The following ADAMTSL1 variants were observed in gnomAD, a reference collection of about 807,000 sequenced individuals.
ADAMTSL1 encodes ADAMTS-like protein 1.
In ADAMTSL1, 126 loss-of-function variants were observed where a neutral mutation model predicts 201.8. The ratio of observed to expected loss-of-function variants is 0.62; its 90% CI spans 0.54 to 0.72. ADAMTSL1 has a LOEUF of 0.72. Ranked by LOEUF, ADAMTSL1 falls within the 30% of genes least tolerant of loss-of-function variation. The pLI, the probability that ADAMTSL1 is intolerant of heterozygous loss-of-function variation, is 0.00. For missense variants in ADAMTSL1, 2,679 were observed against 2,277.8 expected (o/e 1.18, Z -3.59); for synonymous variants, 1,121 against 903.4 (o/e 1.24, Z -4.32).
intron 14 of ADAMTSL1, among the ~76,000 whole-genome samples, chr9:18,712,034 G>A (rs1162035437): frequency 3.9e-5 from 6 of 152,120 alleles, no homozygotes; most frequent in African/African-American, 1.4e-4. Context: ...GCAGCTGAGG[G>A]TCCTGTCTGT....
At chr9:18,240,291 C>G (rs1831013117) in intron 2 of ADAMTSL1, among the ~76,000 whole-genome samples, 1 of 151,820 alleles carries the variant, frequency 6.6e-6, no homozygotes, top group Non-Finnish European at 1.5e-5. Flanking sequence ...TATCAGAACT[C>G]TTGGGTGACT....
At chr9:18,647,374 T>C (rs905458451) in intron 7 of ADAMTSL1, among the ~76,000 whole-genome samples, 31 of 151,374 alleles carry the variant, frequency 2.0e-4, no homozygotes, top group Non-Finnish European at 3.5e-4. Flanking sequence ...GGGTTTTTTT[T>C]CCCCCATTTC....
At chr9:18,641,646 A>G (rs1210028776) in intron 7 of ADAMTSL1, among the ~76,000 whole-genome samples, 2 of 152,084 alleles carry the variant, frequency 1.3e-5, no homozygotes, top group Non-Finnish European at 2.9e-5. Flanking sequence ...TAATTCTTAA[A>G]TTAGTTTGCT....
intron 1 of ADAMTSL1, among the ~76,000 whole-genome samples, chr9:18,037,060 A>G (rs1821230786): frequency 6.6e-6 from 1 of 152,160 alleles, no homozygotes. Flanking sequence ...TGTAATGCTA[A>G]TTCATGCTGA....
intron 4 of ADAMTSL1, among the ~76,000 whole-genome samples, chr9:18,613,592 C>T (rs1754724894): frequency 6.6e-6 from 1 of 152,086 alleles, no homozygotes; most frequent in Non-Finnish European, 1.5e-5. Context: ...GGCCATTATC[C>T]TTAACAAACT....
At chr9:17,949,020 T>C (rs1364483318) in intron 1 of ADAMTSL1, among the ~76,000 whole-genome samples, 1 of 152,212 alleles carries the variant, frequency 6.6e-6, no homozygotes, top group East Asian at 1.9e-4. Flanking sequence ...TCTGAAATTT[T>C]ATCCCACTGT....
intron 8 of ADAMTSL1, 35 bp downstream of exon 8, chr9:18,657,785 T>G: frequency 1.3e-6 from 2 of 1,548,936 alleles, no homozygotes; most frequent in Non-Finnish European, 1.8e-6. Context: ...AACTGTTGGC[T>G]TCTGTGAGGA....
At chr9:18,860,319 G>A (rs757390765) in intron 23 of ADAMTSL1, among the ~76,000 whole-genome samples, 9 of 152,080 alleles carry the variant, frequency 5.9e-5, no homozygotes, top group Admixed American at 1.3e-4. Context: ...TCATACCCTC[G>A]ACCAGGGGTT....
intron 21 of ADAMTSL1, among the ~76,000 whole-genome samples, chr9:18,824,973 G>A (rs1824451630): frequency 6.6e-6 from 1 of 152,122 alleles, no homozygotes; most frequent in African/African-American, 2.4e-5. Flanking sequence ...TGGGATTACA[G>A]GCATGAGCCA....
At chr9:18,705,954 GT>G (rs1384317653) in intron 13 of ADAMTSL1, among the ~76,000 whole-genome samples, 1 of 152,204 alleles carries the variant, frequency 6.6e-6, no homozygotes, top group Non-Finnish European at 1.5e-5. Context: ...GACCTCATGG[GT>G]TCTTGGCTTC....
chr9:18,808,146 TAA>T (rs938039693), intron 20 of ADAMTSL1, among the ~76,000 whole-genome samples: 1 of 152,138 alleles, frequency 6.6e-6, no homozygotes, highest in African/African-American at 2.4e-5. Flanking sequence ...AAAGAAAAAC[TAA>T]AAGAGTACAA....
At chr9:18,773,860 G>A (rs796263015) in intron 17 of ADAMTSL1, among the ~76,000 whole-genome samples, 89 of 152,206 alleles carry the variant, frequency 5.8e-4, no homozygotes, top group African/African-American at 2.1e-3. Context: ...CTGATCCTTG[G>A]ATTTAGCGCT....
rs767077050 is a variant in ADAMTSL1 at position 18,770,725 on chromosome 9, C to T, written c.2341C>T (p.Gln781Ter). ...FCSASKPACQ[Q>*]ACKKDDCPSE... ...TTCAGCTTCAAAACCTGCCTGCCAG[C>T]AAGCATGCAAGAAAGATGACTGTCC... is the stretch of plus-strand genomic sequence containing the variant. Residue 781 changes from glutamine to a stop codon, truncating the protein, a stop_gained, in exon 17 of 29, where the codon CAA (glutamine) becomes TAA (stop). Transcript: ENST00000380548. LOFTEE classifies it high-confidence loss of function. 6.2e-7 allele frequency: 1 copy of T among 1,613,866 alleles called. No homozygotes were observed. Among genetic ancestry groups the T allele is most frequent in the Non-Finnish European group, 8.5e-7 (1 of 1,179,862 alleles).
At chr9:18,115,999 A>C (rs1348284881) in intron 1 of ADAMTSL1, among the ~76,000 whole-genome samples, 1 of 152,074 alleles carries the variant, frequency 6.6e-6, no homozygotes, top group Admixed American at 6.5e-5. Context: ...GCCTTATAAA[A>C]CTGTTCTCTG....
intron 1 of ADAMTSL1, among the ~76,000 whole-genome samples, chr9:18,478,550 G>A (rs1191398341): frequency 6.6e-6 from 1 of 151,990 alleles, no homozygotes; most frequent in Non-Finnish European, 1.5e-5. Flanking sequence ...TGTTTCTTTG[G>A]TCAAGTGACA....
At chr9:18,632,541 T>G (rs1826845660) in intron 5 of ADAMTSL1, among the ~76,000 whole-genome samples, 1 of 152,096 alleles carries the variant, frequency 6.6e-6, no homozygotes, top group Non-Finnish European at 1.5e-5. Context: ...CTGTGGGGTG[T>G]AGTATTTTGT....
At chr9:18,309,050 T>C (rs1405674229) in intron 2 of ADAMTSL1, among the ~76,000 whole-genome samples, 1 of 152,198 alleles carries the variant, frequency 6.6e-6, no homozygotes, top group Non-Finnish European at 1.5e-5. Flanking sequence ...TCAATAAATG[T>C]AATCCATCAC....
intron 4 of ADAMTSL1, among the ~76,000 whole-genome samples, chr9:18,591,006 C>T (rs1823876229): frequency 6.6e-6 from 1 of 152,106 alleles, no homozygotes; most frequent in African/African-American, 2.4e-5. Context: ...TATTCTGTAG[C>T]AGTTGGATGA....
chr9:18,571,705 T>C (rs555855642), intron 3 of ADAMTSL1, among the ~76,000 whole-genome samples: 2 of 151,998 alleles, frequency 1.3e-5, no homozygotes, highest in African/African-American at 4.8e-5. Context: ...GTGTAGAGTT[T>C]GGGGGCAGTT....
Sources: allele counts gnomAD v4.1 joint callset (sites outside exome capture counted in the v4.1 genomes callset), GRCh38; gene constraint gnomAD v4.1.1; transcripts MANE v1.5; gene names NCBI Gene and HGNC (gene_info 2026-07-23, HGNC 2026-07-21).